The following PNPT1 variants were observed in gnomAD, a reference collection of about 807,000 sequenced individuals.
The protein encoded by PNPT1 is polyribonucleotide nucleotidyltransferase 1, mitochondrial.
A neutral mutation model predicts 119.5 loss-of-function variants in PNPT1; 53 were observed. The ratio of observed to expected loss-of-function variants is 0.44; its 90% CI spans 0.36 to 0.56. The LOEUF (loss-of-function observed/expected upper bound fraction) is 0.56, where lower values mean the gene tolerates loss of function less well. PNPT1 is among the 20% of genes least tolerant of loss of function. PNPT1 has a pLI of 0.00. For synonymous variants in PNPT1, 357 were observed against 322.1 expected, an observed-to-expected ratio of 1.11 and a Z score of -1.16; for missense variants, 948 against 938.5, an observed-to-expected ratio of 1.01 and a Z score of -0.13.
At chr2:55,652,515 CAGTCA>C (rs1355812579) in intron 18 of PNPT1, among the ~76,000 whole-genome samples, 6 of 152,148 alleles carry the variant, frequency 3.9e-5, no homozygotes, top group African/African-American at 7.2e-5. Context: ...CCAGTGTTCT[CAGTCA>C]AGTCAACATT....
In PNPT1 at chr2:55,666,990, C is replaced by T; in HGVS notation, c.1176+1G>A. ...TAATTAGAGCTTTTTATATAAATTACCTGTGTTTGTCCTCTTTGAAATAAT... is the reference window on the plus strand; with the variant it reads ...TAATTAGAGCTTTTTATATAAATTATCTGTGTTTGTCCTCTTTGAAATAAT... On this transcript the variant is annotated splice_donor_variant, in intron 13 of 27. Transcript: ENST00000447944. LOFTEE classifies it high-confidence loss of function. 6.5e-7 allele frequency: 1 copy of T among 1,546,754 alleles called. No individual in the cohort carries two copies. The highest frequency in any genetic ancestry group is 8.7e-7 in the Non-Finnish European group (1 of 1,145,478).
intron 13 of PNPT1, among the ~76,000 whole-genome samples, chr2:55,664,358 T>C (rs896619901): frequency 2.0e-5 from 3 of 152,122 alleles, no homozygotes; most frequent in African/African-American, 7.2e-5. Context: ...TACCAGCACC[T>C]TGGGAGGCGA....
At chr2:55,691,873 TA>T (rs1553502991) in intron 1 of PNPT1, among the ~76,000 whole-genome samples, 582 of 15,088 alleles carry the variant, frequency 0.039, 4 homozygotes, top group Non-Finnish European at 0.058. Context: ...TATATATATA[TA>T]TATATTTTTT....
intron 17 of PNPT1, 103 bp from the exon 18 acceptor site, chr2:55,655,056 T>C (rs947024827): frequency 3.7e-6 from 4 of 1,095,718 alleles, no homozygotes; most frequent in Non-Finnish European, 5.3e-6. Context: ...ACAATACAAA[T>C]ATTCAATAGT....
At chr2:55,655,008 A>C in intron 17 of PNPT1, 55 bp from the exon 18 acceptor site, 1 of 1,440,946 alleles carries the variant, frequency 6.9e-7, no homozygotes, top group Non-Finnish European at 9.7e-7. Flanking sequence ...AATGTAGAAA[A>C]GTGTTACTAT....
chr2:55,653,420 G>A (rs1035268035), intron 18 of PNPT1, among the ~76,000 whole-genome samples: 1 of 152,094 alleles, frequency 6.6e-6, no homozygotes, highest in African/African-American at 2.4e-5. Context: ...AAAAATGGCA[G>A]GTAAAGACTC....
chr2:55,677,023 G>C (rs1278180245), intron 8 of PNPT1, among the ~76,000 whole-genome samples: 1 of 152,194 alleles, frequency 6.6e-6, no homozygotes, highest in Non-Finnish European at 1.5e-5. Flanking sequence ...GGGTTAAAAT[G>C]CATATTTGAT....
intron 1 of PNPT1, among the ~76,000 whole-genome samples, chr2:55,692,667 A>G (rs1697653796): frequency 6.6e-6 from 1 of 152,228 alleles, no homozygotes; most frequent in South Asian, 2.1e-4. Flanking sequence ...TCTTAACTAT[A>G]AAATGAGGGT....
At chr2:55,665,538 A>T (rs1416137262) in intron 13 of PNPT1, among the ~76,000 whole-genome samples, 1 of 152,250 alleles carries the variant, frequency 6.6e-6, no homozygotes, top group Non-Finnish European at 1.5e-5. Context: ...GGTAAAACAC[A>T]GTAAACCATA....
chr2:55,685,291 C>G (rs1697367584), intron 3 of PNPT1, among the ~76,000 whole-genome samples: 1 of 152,108 alleles, frequency 6.6e-6, no homozygotes, highest in Admixed American at 6.6e-5. Context: ...TTTGGGAGGC[C>G]AAAGCAGGAG....
At chr2:55,673,609 C>T (rs1696979188) in intron 8 of PNPT1, among the ~76,000 whole-genome samples, 1 of 151,720 alleles carries the variant, frequency 6.6e-6, no homozygotes, top group African/African-American at 2.4e-5. Context: ...CCACCATGCC[C>T]AGCTAATTTT....
At chr2:55,646,187 G>T in intron 21 of PNPT1, 72 bp downstream of exon 21, 2 of 1,361,026 alleles carry the variant, frequency 1.5e-6, no homozygotes, top group Non-Finnish European at 2.0e-6. Flanking sequence ...TTTATAATAA[G>T]CCTAATGAGA....
chr2:55,690,273 C>T (rs1340467369), intron 1 of PNPT1, among the ~76,000 whole-genome samples: 2 of 152,192 alleles, frequency 1.3e-5, no homozygotes, highest in African/African-American at 2.4e-5. Context: ...AACAGACCAG[C>T]AAAACTTGTC....
rs1697185760 is a variant in PNPT1, at chr2:55,679,663, G to A, written c.679+19C>T. On this transcript the variant is annotated intron_variant, in intron 8 of 27. Transcript: ENST00000447944. ...TGTAAGTAAAATCCAGAACAAATGT[G>A]GTATTTAAAACAACTTACCAATCTG... 1 of 1,471,024 alleles carries A rather than the reference G, an allele frequency of 6.8e-7. No homozygotes were observed. Among genetic ancestry groups the A allele is most frequent in the African/African-American group, 1.4e-5 (1 of 71,794 alleles). 91.1% of individuals were successfully genotyped at this position (1,471,024 alleles called of 1,614,324 possible). A position where few individuals can be genotyped will look rare whatever the true frequency, so the allele number is the denominator to read the frequency against.
Position 55,643,184 on chromosome 2 carries a change from T to C in PNPT1, c.2043A>G (p.Val681=), listed in dbSNP as rs544405485. 1.2e-4 allele frequency: 198 copies of C among 1,614,154 alleles called. No individual in the cohort carries two copies. The South Asian group carries it at 2.0e-3, about 16-fold the overall frequency. The change falls in exon 25 of 28, where the codon GTA becomes GTG. Residue 681 remains valine (V), a synonymous_variant. Coordinates refer to ENST00000447944, the MANE Select transcript of PNPT1 (RefSeq NM_033109.5). The part of the protein sequence containing the change: ...DQEQQLEFGA[V]YTATITEIRD... ...TGATTTCAGTTATTGTGGCGGTATATACTGCTCCAAATTCTAATTGCTGCT... is the reference window on the plus strand; with the variant it reads ...TGATTTCAGTTATTGTGGCGGTATACACTGCTCCAAATTCTAATTGCTGCT...
chr2:55,674,102 C>T (rs1696994224), intron 8 of PNPT1, among the ~76,000 whole-genome samples: 1 of 152,218 alleles, frequency 6.6e-6, no homozygotes, highest in African/African-American at 2.4e-5. Context: ...AATTAATTCT[C>T]ACATTGTCTA....
chr2:55,647,522 A>AAT, intron 18 of PNPT1, 69 bp from the exon 19 acceptor site: 2 of 945,928 alleles, frequency 2.1e-6, no homozygotes, highest in Non-Finnish European at 3.0e-6. Context: ...TTATCTATCA[A>AAT]TTTTTTTTTT....
At chr2:55,652,413 A>G (rs995258803) in intron 18 of PNPT1, among the ~76,000 whole-genome samples, 16 of 152,196 alleles carry the variant, frequency 1.1e-4, no homozygotes, top group South Asian at 2.1e-4. Flanking sequence ...TTTTTAAACT[A>G]TTAAGCTCCA....
At chr2:55,661,896 G>A (rs1410768575) in intron 14 of PNPT1, 60 bp downstream of exon 14, 9 of 1,381,594 alleles carry the variant, frequency 6.5e-6, no homozygotes, top group Admixed American at 3.0e-5. Context: ...TACCACATAA[G>A]CTTTAATTAT....
Sources: gnomAD v4.1 joint callset for allele counts (sites outside exome capture counted in the v4.1 genomes callset) on GRCh38, gnomAD v4.1.1 for gene constraint, MANE v1.5 for transcripts, NCBI Gene and HGNC (gene_info 2026-07-23, HGNC 2026-07-21) for gene names.